Variants in RAC2 observed in about 807,000 individuals in gnomAD.
RAC2 encodes the protein Rac family small GTPase 2.
Under a neutral mutation model 24.0 loss-of-function variants are expected in RAC2, and 1 was observed. The observed-to-expected ratio is 0.04, with a 90% CI of 0.01 to 0.20. The LOEUF (loss-of-function observed/expected upper bound fraction) is 0.20. Ranked by LOEUF, RAC2 falls within the 10% of genes least tolerant of loss-of-function variation. The pLI is 1.00. For synonymous variants in RAC2, 114 were observed against 106.8 expected, an observed-to-expected ratio of 1.07 and a Z score of -0.41; for missense variants, 130 against 259.1, an observed-to-expected ratio of 0.50 and a Z score of 3.42.
rs1290197751 is a variant in RAC2 at position 37,238,595 on chromosome 22, G to A, written c.107+2992C>T. 3.9e-5 allele frequency among the ~76,000 whole-genome samples: 6 copies of A among 152,188 alleles called. No individual in the cohort carries two copies. The South Asian group carries it at 1.0e-3, about 26-fold the overall frequency. ...TTCCGTCGAGCTTGGTTCTAACGAGGTGAGGTGTAAGGGGGCGCCCCTCTA... is the reference window on the plus strand; with the variant it reads ...TTCCGTCGAGCTTGGTTCTAACGAGATGAGGTGTAAGGGGGCGCCCCTCTA... On this transcript the variant is annotated intron_variant, in intron 2 of 6. Transcript: ENST00000249071.
chr22:37,228,863 C>T (rs1926967572), intron 5 of RAC2, among the ~76,000 whole-genome samples: 1 of 152,190 alleles, frequency 6.6e-6, no homozygotes, highest in Non-Finnish European at 1.5e-5. Flanking sequence ...GAGTCACATG[C>T]TGGGCGTCTC....
intron 2 of RAC2, among the ~76,000 whole-genome samples, chr22:37,240,462 C>T (rs915246889): frequency 3.9e-5 from 6 of 152,246 alleles, no homozygotes; most frequent in African/African-American, 1.4e-4. Flanking sequence ...TGAGATCACA[C>T]ATGTGTGACA....
rs1458280633 is a variant in RAC2 at position 37,242,934 on chromosome 22, G to A, written c.35+1180C>T. Among the ~76,000 whole-genome samples the A allele has an allele frequency of 2.0e-5, 3 of 152,254 alleles. No individual in the cohort carries two copies. The East Asian group carries it at 5.8e-4, about 29-fold the overall frequency. ...CTAGAACATGCTCCAGGGTGAGCCT[G>A]TAGGCTGGACCCTAAGATGTGGCTG... On this transcript the variant is annotated intron_variant, in intron 1 of 6. Transcript: ENST00000249071.
At chr22:37,234,516 G>T (rs1927166719) in intron 2 of RAC2, among the ~76,000 whole-genome samples, 1 of 152,132 alleles carries the variant, frequency 6.6e-6, no homozygotes, top group African/African-American at 2.4e-5. Context: ...TGCCCCTGAG[G>T]GTTAGGGAAT....
At chr22:37,228,168 T>C (rs1039552476) in intron 5 of RAC2, among the ~76,000 whole-genome samples, 9 of 152,212 alleles carry the variant, frequency 5.9e-5, no homozygotes, top group African/African-American at 1.9e-4. Context: ...CTGGAGAGTA[T>C]GCGACTCATC....
chr22:37,236,235 C>A (rs1438301653), intron 2 of RAC2, among the ~76,000 whole-genome samples: 3 of 152,208 alleles, frequency 2.0e-5, no homozygotes, highest in African/African-American at 7.2e-5. Flanking sequence ...TAAGCAGTCT[C>A]ATTTTCCATG....
In RAC2 at chr22:37,231,857, G is replaced by A; in HGVS notation, c.288+75C>T. The A allele has an allele frequency of 6.7e-7, 1 of 1,496,404 alleles. No individual in the cohort carries two copies. Among genetic ancestry groups the A allele is most frequent in the Non-Finnish European group, 9.1e-7 (1 of 1,098,240 alleles). 92.7% of individuals were successfully genotyped at this position (1,496,404 alleles called of 1,614,324 possible). ...CTCTGCTGCCCCAGGGACCAGCCTA[G>A]AGTCACCAGTTCCTCCCTCTGTCCC... On this transcript the variant is annotated intron_variant, in intron 4 of 6. Coordinates refer to ENST00000249071, the MANE Select transcript of RAC2 (RefSeq NM_002872.5). This position sits in a 1 kb window ranked among gnomAD's most constrained non-coding sequence, Gnocchi z 5.5.
chr22:37,241,782 TC>T, intron 1 of RAC2, 124 bp from the exon 2 acceptor site: 1 of 830,658 alleles, frequency 1.2e-6, no homozygotes, highest in Non-Finnish European at 2.1e-6. Context: ...GGCCTCCGTC[TC>T]CCCATGTGAG....
chr22:37,239,804 T>C (rs1357902740), intron 2 of RAC2, among the ~76,000 whole-genome samples: 1 of 152,202 alleles, frequency 6.6e-6, no homozygotes, highest in Non-Finnish European at 1.5e-5. Context: ...ACACTGCTGG[T>C]GACCATGGCC....
At chr22:37,227,445 G>A (rs919076550) in intron 5 of RAC2, among the ~76,000 whole-genome samples, 2 of 23,838 alleles carry the variant, frequency 8.4e-5, no homozygotes, top group Non-Finnish European at 1.5e-4. Flanking sequence ...TGCCTCCCAT[G>A]CCATACAAGC....
intron 5 of RAC2, 75 bp from the exon 6 acceptor site, chr22:37,226,878 C>T: frequency 6.4e-7 from 1 of 1,573,236 alleles, no homozygotes; most frequent in South Asian, 1.1e-5. Context: ...TCTCCTATGC[C>T]ATACAACCCC....
At chr22:37,235,399 A>G (rs2145826878) in intron 2 of RAC2, among the ~76,000 whole-genome samples, 1 of 151,914 alleles carries the variant, frequency 6.6e-6, no homozygotes, top group South Asian at 2.1e-4. Context: ...AGGCTGGCTG[A>G]CTTTTACTCA....
chr22:37,226,620 G>GC, intron 6 of RAC2, 51 bp downstream of exon 6: 2 of 1,601,668 alleles, frequency 1.2e-6, no homozygotes, highest in Non-Finnish European at 1.7e-6. Context: ...CCACTGCTCA[G>GC]CCAGGGCCTG....
intron 2 of RAC2, chr22:37,240,819 A>C: frequency 1.8e-6 from 1 of 567,794 alleles, no homozygotes; most frequent in Admixed American, 3.0e-5. Context: ...ATGTGGGGAG[A>C]AAAAGCACTA....
chr22:37,243,997 C>T, intron 1 of RAC2, 117 bp downstream of exon 1: 1 of 1,401,502 alleles, frequency 7.1e-7, no homozygotes, highest in Non-Finnish European at 1.0e-6. Flanking sequence ...CCCCTCCAAG[C>T]TGCCTTCCAG....
At chr22:37,240,162 G>A (rs2145830239) in intron 2 of RAC2, among the ~76,000 whole-genome samples, 1 of 152,318 alleles carries the variant, frequency 6.6e-6, no homozygotes, top group South Asian at 2.1e-4. Context: ...CTGGGGTTGG[G>A]GGTTGGGTAG....
chr22:37,232,811 T>C lies in RAC2; in HGVS notation c.215A>G (p.Tyr72Cys). The change falls in exon 3 of 7, where the codon TAT (tyrosine) becomes TGT (cysteine). Residue 72 changes from tyrosine to cysteine, a missense_variant. Physicochemically the swap from Tyr to Cys is radical, Grantham distance 194. This residue lies in a region of RAC2 where 119 missense variants were observed against 192.1 expected (regional missense o/e 0.62). Coordinates refer to ENST00000249071, the MANE Select transcript of RAC2 (RefSeq NM_002872.5). Reference protein sequence around the residue: ...EDYDRLRPLSYPQTDVFLICF... With the variant: ...EDYDRLRPLSCPQTDVFLICF... ...GTGGGAGCAGCACACCGTCTGTGGA[T>C]AGGAGAGCGGCCGGAGACGGTCGTA... 2 of 1,613,068 alleles carry C rather than the reference T, an allele frequency of 1.2e-6. No individual in the cohort carries two copies. The highest frequency in any genetic ancestry group is 1.7e-6 in the Non-Finnish European group (2 of 1,179,224).
intron 5 of RAC2, among the ~76,000 whole-genome samples, chr22:37,230,566 G>C (rs1042780085): frequency 6.6e-6 from 1 of 152,116 alleles, no homozygotes; most frequent in Non-Finnish European, 1.5e-5. Context: ...CCCCAGCAGT[G>C]AGCCAATAAT....
In RAC2 at chr22:37,227,406, C is replaced by T. The variant is rs74216978; in HGVS notation, c.449-603G>A. Reference sequence around the variant, plus strand: ...CGCCATACACCCCTCCCACGCCATACACCCCTCCCACACCATACACTCCTC... The same window carrying T: ...CGCCATACACCCCTCCCACGCCATATACCCCTCCCACACCATACACTCCTC... On this transcript the variant is annotated intron_variant, in intron 5 of 6. Transcript: ENST00000249071. Among the ~76,000 whole-genome samples the T allele has an allele frequency of 3.2e-4, 10 of 31,454 alleles. 1 individual carries two copies. Among genetic ancestry groups the T allele is most frequent in the Middle Eastern group, 0.012 (1 of 82 alleles). The allele number at this position is 31,454 out of a possible 152,430, so 20.6% of individuals were successfully genotyped here. A position where few individuals can be genotyped will look rare whatever the true frequency, so the allele number is the denominator to read the frequency against.
Sources: gnomAD v4.1 joint callset for allele counts (sites outside exome capture counted in the v4.1 genomes callset) on GRCh38, gnomAD v4.1.1 for gene constraint, gnomAD v4.1.1 regional missense constraint, Gnocchi (gnomAD v3.1) non-coding constraint, MANE v1.5 for transcripts, NCBI Gene and HGNC (gene_info 2026-07-23, HGNC 2026-07-21) for gene names.